Variants in AFF2 observed in about 807,000 individuals in gnomAD.
The protein encoded by AFF2 is AF4/FMR2 family member 2.
Under a neutral mutation model 76.9 loss-of-function variants are expected in AFF2, and 14 were observed. That is an observed-to-expected ratio of 0.18 (90% CI 0.12 to 0.28). AFF2 has a LOEUF of 0.28. Among genes scored for constraint, AFF2 ranks in the 10% least tolerant of loss-of-function variants. The probability of loss-of-function intolerance (pLI) is 1.00; values close to 1 mark genes in which losing one functional copy is unlikely to be tolerated. For missense variants in AFF2, 868 were observed against 1,001.1 expected (o/e 0.87, Z 1.79); for synonymous variants, 398 against 366.7 (o/e 1.09, Z -0.98).
In AFF2 at chrX:148,958,444, T is replaced by C. The variant is rs782542191; in HGVS notation, c.2676T>C (p.Pro892=). The C allele has an allele frequency of 1.2e-5, 14 of 1,208,000 alleles. No homozygotes were observed. The highest frequency in any genetic ancestry group is 1.6e-5 in the Non-Finnish European group (14 of 894,504). ...TCTCACCAGCCCCACCCCACAAGCC[T>C]CCCAACACTAGAGAGTGAGTTTGCC... ...PCISPAPPHK[P]PNTRENNSSR... The change falls in exon 12 of 21, where the codon CCT becomes CCC. Residue 892 remains proline (P), a synonymous_variant. Coordinates refer to ENST00000370460, the MANE Select transcript of AFF2 (RefSeq NM_002025.4).
chrX:148,713,407 C>T (rs1004531531), intron 3 of AFF2, among the ~76,000 whole-genome samples: 1 of 111,332 alleles, frequency 9.0e-6, no homozygotes, highest in African/African-American at 3.3e-5. Flanking sequence ...TAGTAAACTT[C>T]GATAATGGGA....
At chrX:148,883,586 T>C (rs1042938708) in intron 7 of AFF2, among the ~76,000 whole-genome samples, 5 of 111,626 alleles carry the variant, frequency 4.5e-5, no homozygotes, top group Non-Finnish European at 9.4e-5. Flanking sequence ...CTTGACTCCA[T>C]GCTAATGTTT....
chrX:148,518,081 G>A (rs1300990854), intron 1 of AFF2, among the ~76,000 whole-genome samples: 3 of 111,271 alleles, frequency 2.7e-5, no homozygotes, highest in Non-Finnish European at 5.7e-5. Context: ...GCTATTAATG[G>A]GGCATCCCAA....
chrX:148,708,664 A>G (rs1407058508), intron 3 of AFF2, among the ~76,000 whole-genome samples: 2 of 112,128 alleles, frequency 1.8e-5, no homozygotes, highest in Non-Finnish European at 3.8e-5. Context: ...CAGTGAGCCA[A>G]GATCGCGCCA....
At chrX:148,917,655 G>T (rs2071547461) in intron 9 of AFF2, among the ~76,000 whole-genome samples, 1 of 112,330 alleles carries the variant, frequency 8.9e-6, no homozygotes. Flanking sequence ...GGAGAAGTTG[G>T]ATGGCTCCAA....
intron 1 of AFF2, among the ~76,000 whole-genome samples, chrX:148,551,482 GAAAAAAAAAAAA>G (rs781883999): frequency 1.4e-3 from 55 of 38,011 alleles, no homozygotes; most frequent in African/African-American, 4.0e-3. Flanking sequence ...GCTGGGAAGT[GAAAAAAAAAAAA>G]AAAAAAAAAA....
chrX:148,577,308 C>T (rs563354642), intron 1 of AFF2, among the ~76,000 whole-genome samples: 2 of 112,277 alleles, frequency 1.8e-5, no homozygotes, highest in South Asian at 3.7e-4. Context: ...CGCGCACACA[C>T]GTGCGCACAA....
At chrX:148,657,252 G>A (rs1207161649) in intron 2 of AFF2, among the ~76,000 whole-genome samples, 1 of 111,720 alleles carries the variant, frequency 9.0e-6, no homozygotes, top group Non-Finnish European at 1.9e-5. Context: ...TTTGAAATCT[G>A]TAAGGTGCTA....
At chrX:148,970,520 T>G (rs781784010) in intron 15 of AFF2, among the ~76,000 whole-genome samples, 1 of 112,207 alleles carries the variant, frequency 8.9e-6, no homozygotes, top group Non-Finnish European at 1.9e-5. Flanking sequence ...TATCAAAAAT[T>G]GAAAATGTTA....
intron 3 of AFF2, among the ~76,000 whole-genome samples, chrX:148,765,712 T>C (rs1328672458): frequency 9.1e-6 from 1 of 110,299 alleles, no homozygotes; most frequent in Non-Finnish European, 1.9e-5. Flanking sequence ...ATTTTATTTA[T>C]TGTTATTATA....
intron 1 of AFF2, among the ~76,000 whole-genome samples, chrX:148,597,579 T>C (rs1557247489): frequency 8.9e-6 from 1 of 112,545 alleles, no homozygotes; most frequent in African/African-American, 3.2e-5. Context: ...ATATATGTAG[T>C]TATTTGATCC....
At chrX:148,818,940 G>A (rs989788719) in intron 4 of AFF2, among the ~76,000 whole-genome samples, 5 of 111,114 alleles carry the variant, frequency 4.5e-5, no homozygotes, top group African/African-American at 9.8e-5. Context: ...TATTCATATG[G>A]TTATGAAGCA....
intron 4 of AFF2, among the ~76,000 whole-genome samples, chrX:148,827,988 G>A (rs907279596): frequency 1.8e-5 from 2 of 108,571 alleles, no homozygotes; most frequent in Admixed American, 1.0e-4. Context: ...CATGCTGTGA[G>A]GATATAGCAT....
At position 148,613,814 on chromosome X, in the gene AFF2, C is replaced by A. The variant is rs192761426; in HGVS notation, c.48-38185C>A. On this transcript the variant is annotated intron_variant, in intron 1 of 20. Coordinates refer to ENST00000370460, the MANE Select transcript of AFF2 (RefSeq NM_002025.4). ...TCCTCATCACTTCTGAGAAACATTT[C>A]CAGGTCATTCTAGCCGAAGATAAAA... 2.7e-5 allele frequency among the ~76,000 whole-genome samples: 3 copies of A among 111,725 alleles called. No homozygotes were observed. In the Admixed American group the frequency reaches 2.8e-4, roughly 11 times the overall value.
intron 3 of AFF2, among the ~76,000 whole-genome samples, chrX:148,663,845 C>G (rs2054332117): frequency 2.7e-5 from 3 of 112,002 alleles, no homozygotes; most frequent in Non-Finnish European, 5.6e-5. Context: ...TTTATTTATC[C>G]TCAGCAGATG....
chrX:148,736,819 A>G (rs2055290464), intron 3 of AFF2, among the ~76,000 whole-genome samples: 1 of 111,733 alleles, frequency 8.9e-6, no homozygotes. Flanking sequence ...CTCCAGTTTC[A>G]TTATCCTACA....
chrX:148,502,447 T>G (rs2124177154), intron 1 of AFF2, among the ~76,000 whole-genome samples: 1 of 112,605 alleles, frequency 8.9e-6, no homozygotes, highest in African/African-American at 3.2e-5. Flanking sequence ...AGTCAGAACT[T>G]AAATACATTT....
intron 20 of AFF2, 105 bp from the exon 21 acceptor site, chrX:148,991,106 C>CA: frequency 1.2e-6 from 1 of 853,009 alleles, no homozygotes. Context: ...ATCACATTTC[C>CA]ATTGTCCATG....
chrX:148,900,343 A>T (rs1557280760), intron 8 of AFF2, among the ~76,000 whole-genome samples: 1 of 111,496 alleles, frequency 9.0e-6, no homozygotes, highest in African/African-American at 3.3e-5. Context: ...TTAGTGCAGC[A>T]CAAGGATTCT....
Sources: allele counts gnomAD v4.1 joint callset (sites outside exome capture counted in the v4.1 genomes callset), GRCh38; gene constraint gnomAD v4.1.1; transcripts MANE v1.5; gene names NCBI Gene and HGNC (gene_info 2026-07-23, HGNC 2026-07-21).